ATP2A3: variants seen among roughly 807,000 people sequenced by gnomAD.
ATP2A3 encodes the protein sarcoplasmic/endoplasmic reticulum calcium ATPase 3.
ATP2A3 carries 61 observed loss-of-function variants against 106.8 expected under a neutral mutation model. The observed-to-expected ratio is 0.57, with a 90% confidence interval of 0.46 to 0.71. The LOEUF (loss-of-function observed/expected upper bound fraction) is 0.71, where lower values mean the gene tolerates loss of function less well. Ranked by LOEUF, ATP2A3 falls within the 30% of genes least tolerant of loss-of-function variation. The pLI, the probability that ATP2A3 is intolerant of heterozygous loss-of-function variation, is 0.00. For missense variants in ATP2A3, 1,201 were observed against 1,423.5 expected, an observed-to-expected ratio of 0.84 and a Z score of 2.52; for synonymous variants, 611 against 609.3, an observed-to-expected ratio of 1.00 and a Z score of -0.04.
Position 3,958,733 on chromosome 17 carries a change from CAT to C in ATP2A3, c.119-5025_119-5024del, listed in dbSNP as rs1491058798. 1.2e-4 allele frequency among the ~76,000 whole-genome samples: 9 copies of C among 76,464 alleles called. 1 individual carries two copies. Among genetic ancestry groups the C allele is most frequent in the East Asian group, 6.8e-4 (2 of 2,952 alleles). 50.2% of individuals were successfully genotyped at this position (76,464 alleles called of 152,430 possible). The stretch of plus-strand genomic sequence containing the variant: ...ATATATATATACACATATATATACA[CAT>C]ATATATAGACACACATATATATACA... On this transcript the variant is annotated intron_variant, in intron 1 of 20. Transcript: ENST00000397041.
rs1475980000 is a variant in ATP2A3 at position 3,928,273 on chromosome 17, G to A, written c.2980+390C>T. On this transcript the variant is annotated intron_variant, in intron 20 of 20. Coordinates refer to ENST00000397041, the MANE Select transcript of ATP2A3 (RefSeq NM_005173.4). The surrounding 1 kb of genome is among the most constrained non-coding windows in gnomAD (Gnocchi z 6.1). ...GTCTGGGGTCCAAGAGGTGGTCAGC[G>A]GCTGCCTACTCCAGGCCTGCGAGAC... 20 of 1,613,428 alleles carry A rather than the reference G, an allele frequency of 1.2e-5. No individual in the cohort carries two copies. The highest frequency in any genetic ancestry group is 2.2e-5 in the South Asian group (2 of 91,084).
Position 3,924,565 on chromosome 17 carries a change from G to T in ATP2A3, c.*857C>A. 1 of 349,194 alleles carries T rather than the reference G, an allele frequency of 2.9e-6. No individual in the cohort carries two copies. Among genetic ancestry groups the T allele is most frequent in the South Asian group, 2.1e-5 (1 of 47,434 alleles). The allele number at this position is 349,194 out of a possible 1,614,324, so 21.6% of individuals were successfully genotyped here. On this transcript the variant is annotated 3_prime_UTR_variant, in exon 21 of 21. Transcript: ENST00000397041. The surrounding 1 kb of genome is among the most constrained non-coding windows in gnomAD (Gnocchi z 6.4). ...CGGTCAGGAACCTGAGGATGTCGGT[G>T]GTCTCAGGTACCAGGGACGCGGGTG...
intron 10 of ATP2A3, among the ~76,000 whole-genome samples, chr17:3,943,791 A>G (rs1259533896): frequency 1.3e-5 from 2 of 151,548 alleles, no homozygotes; most frequent in Non-Finnish European, 1.5e-5. Flanking sequence ...AGCCTCCTTC[A>G]CCGGTTTCTG....
At position 3,947,888 on chromosome 17, in the gene ATP2A3, C is replaced by T. The variant is rs1047263053; in HGVS notation, c.631-33G>A. The T allele has an allele frequency of 1.9e-6, 3 of 1,594,496 alleles. No individual in the cohort carries two copies. The highest frequency in any genetic ancestry group is 2.5e-6 in the Non-Finnish European group (3 of 1,177,012). On this transcript the variant is annotated intron_variant, in intron 7 of 20. Transcript: ENST00000397041. The surrounding 1 kb of genome is among the most constrained non-coding windows in gnomAD (Gnocchi z 7.7). ...GGGGAGGGACAAGGAAAAAGCTGCT[C>T]AGCAGCCAACCAGGGGCCCAGGACC...
rs1450957769 is a variant in ATP2A3, at chr17:3,926,096, A to AG, written c.2981-656dup. On this transcript the variant is annotated intron_variant, in intron 20 of 20. Transcript: ENST00000397041. The surrounding 1 kb of genome is among the most constrained non-coding windows in gnomAD (Gnocchi z 4.6). Reference sequence around the variant, plus strand: ...TCAGCCACACCTGGGCAGAGCCAGGAGGTGGGGTGAGAGGACCGCCCCCAG... The same window carrying AG: ...TCAGCCACACCTGGGCAGAGCCAGGAGGGTGGGGTGAGAGGACCGCCCCCAG... 6.6e-6 allele frequency among the ~76,000 whole-genome samples: 1 copy of AG among 151,462 alleles called. No homozygotes were observed. Among genetic ancestry groups the AG allele is most frequent in the Non-Finnish European group, 1.5e-5 (1 of 67,826 alleles).
At chr17:3,964,091 C>G (rs2055295947) in intron 1 of ATP2A3, 83 bp downstream of exon 1, 2 of 754,664 alleles carry the variant, frequency 2.7e-6, no homozygotes, top group African/African-American at 1.9e-5. Context: ...CCGCCCAGAG[C>G]CGGGTGGGGA....
At chr17:3,957,640 C>A (rs2054857284) in intron 1 of ATP2A3, among the ~76,000 whole-genome samples, 1 of 152,198 alleles carries the variant, frequency 6.6e-6, no homozygotes, top group South Asian at 2.1e-4. Context: ...ATGAATGAGC[C>A]CCAGGGTGAT....
At chr17:3,964,073 C>G (rs2144821360) in intron 1 of ATP2A3, 101 bp downstream of exon 1, 1 of 638,974 alleles carries the variant, frequency 1.6e-6, no homozygotes, top group Admixed American at 5.6e-5. Context: ...GGAGCCCTCG[C>G]TTCCTGCCCG....
chr17:3,937,191 C>A (rs1290615341), intron 15 of ATP2A3: 3 of 589,770 alleles, frequency 5.1e-6, no homozygotes, highest in Non-Finnish European at 9.0e-6. Context: ...TCAGGCACCT[C>A]CGTGGGTGCT....
At position 3,937,501 on chromosome 17, in the gene ATP2A3, C is replaced by T; in HGVS notation, c.2236G>A (p.Ala746Thr). Residue 746 changes from alanine (A) to threonine (T), a missense_variant, in exon 15 of 21, where the codon GCG (alanine) becomes ACG (threonine). By Grantham distance (58) the Ala-to-Thr change is moderately conservative. Coordinates refer to ENST00000397041, the MANE Select transcript of ATP2A3 (RefSeq NM_005173.4). ...SDDNFASIVA[A>T]VEEGRAIYSN... is the part of the protein sequence containing the mutation. ...TAGATGGCCCGGCCCTCCTCCACCG[C>T]AGCCACGATGGAGGCAAAGTTGTCA... The T allele has an allele frequency of 6.2e-7, 1 of 1,614,138 alleles. No homozygotes were observed. Among genetic ancestry groups the T allele is most frequent in the Non-Finnish European group, 8.5e-7 (1 of 1,180,006 alleles).
At chr17:3,950,795 G>C in intron 5 of ATP2A3, 22 bp from the exon 6 acceptor site, 2 of 1,610,294 alleles carry the variant, frequency 1.2e-6, no homozygotes, top group Non-Finnish European at 1.7e-6. Flanking sequence ...GAATGGCTTG[G>C]CTGAGGGTGG....
At chr17:3,957,318 C>T (rs1034781625) in intron 1 of ATP2A3, among the ~76,000 whole-genome samples, 7 of 152,184 alleles carry the variant, frequency 4.6e-5, no homozygotes, top group African/African-American at 1.4e-4. Flanking sequence ...CTCAGGCAGT[C>T]TGGTTCTCGA....
rs146233929 is a variant in ATP2A3 at position 3,950,561 on chromosome 17, T to C, written c.580A>G (p.Ile194Val). The change falls in exon 7 of 21, where the codon ATC (isoleucine) becomes GTC (valine). Residue 194 changes from isoleucine to valine, a missense_variant. Physicochemically the swap from Ile to Val is conservative, Grantham distance 29 (BLOSUM62 3). This residue lies in a region of ATP2A3 where 935 missense variants were observed against 1,176.7 expected (regional missense o/e 0.79). Coordinates refer to ENST00000397041, the MANE Select transcript of ATP2A3 (RefSeq NM_005173.4). ...TGGTTCACAGCTCTGGGGTCTGGGA[T>C]GGCCTCTGTGTGCTTGGTCACGGAC... ...SVSVTKHTEA[I>V]PDPRAVNQDK... 2.8e-5 allele frequency: 46 copies of C among 1,614,202 alleles called. No homozygotes were observed. The highest frequency in any genetic ancestry group is 3.9e-5 in the Non-Finnish European group (46 of 1,180,034).
chr17:3,931,424 A>G (rs34713010), intron 17 of ATP2A3, among the ~76,000 whole-genome samples: 33,158 of 152,018 alleles, frequency 0.22, 5,105 homozygotes, highest in African/African-American at 0.44. Flanking sequence ...TCCATATTAT[A>G]GGGATGAGGG....
Position 3,928,247 on chromosome 17 carries a change from G to T in ATP2A3, c.2980+416C>A, listed in dbSNP as rs748421889. 1 of 1,613,584 alleles carries T rather than the reference G, an allele frequency of 6.2e-7. No individual in the cohort carries two copies. The highest frequency in any genetic ancestry group is 1.1e-5 in the South Asian group (1 of 91,084). ...GATACCAAAGAGGCCAACCCGGTGT[G>T]GTCTGGGGTCCAAGAGGTGGTCAGC... is the stretch of plus-strand genomic sequence containing the variant. On this transcript the variant is annotated intron_variant, in intron 20 of 20. Coordinates refer to ENST00000397041, the MANE Select transcript of ATP2A3 (RefSeq NM_005173.4). This position sits in a 1 kb window ranked among gnomAD's most constrained non-coding sequence, Gnocchi z 6.1.
chr17:3,927,215 C>T (rs1335972158), intron 20 of ATP2A3: 1 of 985,352 alleles, frequency 1.0e-6, no homozygotes, highest in African/African-American at 1.7e-5. Flanking sequence ...CTCTTTAGGC[C>T]TGGGGAATCC....
At chr17:3,959,202 C>T (rs1489503460) in intron 1 of ATP2A3, among the ~76,000 whole-genome samples, 1 of 152,092 alleles carries the variant, frequency 6.6e-6, no homozygotes, top group Non-Finnish European at 1.5e-5. Flanking sequence ...CCCGGCCTTC[C>T]TCCTCCAACA....
Position 3,953,637 on chromosome 17 carries a change from G to T in ATP2A3, c.136+56C>A. On this transcript the variant is annotated intron_variant, in intron 2 of 20. Transcript: ENST00000397041. The surrounding 1 kb of genome is among the most constrained non-coding windows in gnomAD (Gnocchi z 5.1). ...GAGAAGGAAGTCATGACCAGACAGA[G>T]AACGACCCAGGGATGCTGCCCGCGG... The T allele has an allele frequency of 6.4e-7, 1 of 1,555,090 alleles. No individual in the cohort carries two copies. The highest frequency in any genetic ancestry group is 1.2e-5 in the South Asian group (1 of 84,548).
chr17:3,925,673 A>G lies in ATP2A3; in HGVS notation c.2981-232T>C, dbSNP rs1474109607. 7.2e-6 allele frequency among the ~76,000 whole-genome samples: 1 copy of G among 138,182 alleles called. No individual in the cohort carries two copies. Among genetic ancestry groups the G allele is most frequent in the African/African-American group, 2.8e-5 (1 of 36,148 alleles). The allele number at this position is 138,182 out of a possible 152,430, so 90.7% of individuals were successfully genotyped here. A position where few individuals can be genotyped will look rare whatever the true frequency, so the allele number is the denominator to read the frequency against. On this transcript the variant is annotated intron_variant, in intron 20 of 20. Transcript: ENST00000397041. The surrounding 1 kb of genome is among the most constrained non-coding windows in gnomAD (Gnocchi z 4.2). The stretch of plus-strand genomic sequence containing the variant: ...TCCTTCACTCCACTGTTCCATCAGC[A>G]CCCCCAAACCCTCCAGTACATACTC...
Sources: allele counts gnomAD v4.1 joint callset (sites outside exome capture counted in the v4.1 genomes callset), GRCh38; gene constraint gnomAD v4.1.1; regional missense constraint gnomAD v4.1.1; non-coding constraint Gnocchi (gnomAD v3.1); transcripts MANE v1.5; gene names NCBI Gene and HGNC (gene_info 2026-07-23, HGNC 2026-07-21).